Variants in CSGALNACT1 observed in about 807,000 individuals in gnomAD.
The protein encoded by CSGALNACT1 is chondroitin sulfate N-acetylgalactosaminyltransferase 1.
CSGALNACT1 carries 52 observed loss-of-function variants against 51.0 expected under a neutral mutation model. The observed-to-expected ratio is 1.02, with a 90% CI of 0.82 to 1.29. CSGALNACT1 has a LOEUF of 1.29. CSGALNACT1 is among the 50% of genes most tolerant of loss of function. The probability of loss-of-function intolerance (pLI) is 0.00; values close to 1 mark genes in which losing one functional copy is unlikely to be tolerated. For missense variants in CSGALNACT1, 935 were observed against 679.2 expected, an observed-to-expected ratio of 1.38 and a Z score of -4.19; for synonymous variants, 341 against 254.4, an observed-to-expected ratio of 1.34 and a Z score of -3.24.
intron 4 of CSGALNACT1, among the ~76,000 whole-genome samples, chr8:19,501,635 G>C (rs896728866): frequency 6.6e-6 from 1 of 152,118 alleles, no homozygotes; most frequent in Non-Finnish European, 1.5e-5. Context: ...CTCACATAGG[G>C]GTCACATTAT....
chr8:19,498,071 C>T (rs1174169993), intron 4 of CSGALNACT1, among the ~76,000 whole-genome samples: 1 of 152,182 alleles, frequency 6.6e-6, no homozygotes, highest in Admixed American at 6.5e-5. Flanking sequence ...GTCATCAGAA[C>T]CTCCTCAGGC....
In CSGALNACT1 at chr8:19,600,719, A is replaced by C. The variant is rs2050223349; in HGVS notation, c.-416+1052T>G. ...AGTAACTGAAATACAGTTCTTTATG[A>C]AACTCCACACACCCTCATTTAAGTA... On this transcript the variant is annotated intron_variant, in intron 2 of 9. Transcript: ENST00000454498. 2.0e-5 allele frequency among the ~76,000 whole-genome samples: 3 copies of C among 152,058 alleles called. No homozygotes were observed. The South Asian group carries it at 6.2e-4, about 32-fold the overall frequency.
At chr8:19,523,866 C>T (rs1227571698) in intron 3 of CSGALNACT1, among the ~76,000 whole-genome samples, 3 of 152,020 alleles carry the variant, frequency 2.0e-5, no homozygotes, top group Non-Finnish European at 4.4e-5. Flanking sequence ...AAAACAATGC[C>T]GTAGTTCAGA....
intron 1 of CSGALNACT1, among the ~76,000 whole-genome samples, chr8:19,732,172 G>T (rs139961712): frequency 6.6e-6 from 1 of 152,144 alleles, no homozygotes; most frequent in Admixed American, 6.6e-5. Context: ...AAAACGGCAC[G>T]TTATCAAATA....
At position 19,457,852 on chromosome 8, in the gene CSGALNACT1, G is replaced by A. The variant is rs367954649; in HGVS notation, c.851+574C>T. Reference sequence around the variant, plus strand: ...AAACCCAGCTTAGTCTCATTGAGTAGCTACAAAAATGTGGGCTTGAAACCT... The same window carrying A: ...AAACCCAGCTTAGTCTCATTGAGTAACTACAAAAATGTGGGCTTGAAACCT... On this transcript the variant is annotated intron_variant, in intron 5 of 9. Coordinates refer to ENST00000454498, the Ensembl canonical transcript of CSGALNACT1. The A allele has an allele frequency of 3.1e-5, 41 of 1,324,800 alleles. No homozygotes were observed. The African/African-American group carries it at 5.7e-4, about 18-fold the overall frequency. The allele number at this position is 1,324,800 out of a possible 1,614,324, so 82.1% of individuals were successfully genotyped here. A position where few individuals can be genotyped will look rare whatever the true frequency, so the allele number is the denominator to read the frequency against.
intron 8 of CSGALNACT1, among the ~76,000 whole-genome samples, chr8:19,415,566 G>A (rs1377250219): frequency 6.6e-6 from 1 of 152,124 alleles, no homozygotes; most frequent in East Asian, 1.9e-4. Context: ...TGAGAAACTT[G>A]CCTAACTGCA....
intron 1 of CSGALNACT1, among the ~76,000 whole-genome samples, chr8:19,688,390 C>T (rs1279132626): frequency 6.6e-6 from 1 of 152,120 alleles, no homozygotes; most frequent in Non-Finnish European, 1.5e-5. Context: ...AAATGGTAGA[C>T]AAGTGGCCAC....
chr8:19,407,408 G>A, intron 9 of CSGALNACT1, among the ~76,000 whole-genome samples: 1 of 152,126 alleles, frequency 6.6e-6, no homozygotes, highest in Admixed American at 6.5e-5. Flanking sequence ...CACACCCTGA[G>A]GGCACGGTCC....
intron 1 of CSGALNACT1, among the ~76,000 whole-genome samples, chr8:19,648,723 G>A (rs2057502971): frequency 6.6e-6 from 1 of 152,178 alleles, no homozygotes; most frequent in East Asian, 1.9e-4. Context: ...AGGATCACCT[G>A]AGCCTGGAGC....
At chr8:19,630,238 G>GTGTA (rs1554771910) in intron 1 of CSGALNACT1, among the ~76,000 whole-genome samples, 9 of 128,234 alleles carry the variant, frequency 7.0e-5, no homozygotes, top group African/African-American at 2.7e-4. Context: ...GTGTGTGTGT[G>GTGTA]TGTGTATGTG....
chr8:19,603,047 T>TACAC (rs5889877), upstream of CSGALNACT1, among the ~76,000 whole-genome samples: 785 of 123,080 alleles, frequency 6.4e-3, 6 homozygotes, highest in African/African-American at 0.017. Context: ...ACTGTGTGTA[T>TACAC]ACACACACAC....
intron 3 of CSGALNACT1, among the ~76,000 whole-genome samples, chr8:19,512,626 T>C (rs1435192892): frequency 2.0e-5 from 3 of 152,166 alleles, no homozygotes; most frequent in African/African-American, 7.2e-5. Flanking sequence ...AATACATTAC[T>C]ATAATCAGTT....
At chr8:19,643,427 G>A (rs144604177) in intron 1 of CSGALNACT1, among the ~76,000 whole-genome samples, 10 of 152,134 alleles carry the variant, frequency 6.6e-5, no homozygotes, top group Non-Finnish European at 1.3e-4. Flanking sequence ...ACTTGAGGTC[G>A]GGAGTCCAAG....
At chr8:19,673,709 T>C (rs1042214657) in intron 1 of CSGALNACT1, among the ~76,000 whole-genome samples, 4 of 150,170 alleles carry the variant, frequency 2.7e-5, no homozygotes, top group African/African-American at 1.0e-4. Flanking sequence ...GGTGGGTGTG[T>C]GGATGTCAAC....
chr8:19,422,375 T>C (rs2058086258), intron 6 of CSGALNACT1, among the ~76,000 whole-genome samples: 1 of 152,078 alleles, frequency 6.6e-6, no homozygotes, highest in Non-Finnish European at 1.5e-5. Context: ...AAAAATTTTT[T>C]ATAGAGACAG....
chr8:19,546,220 G>T (rs532599407), intron 3 of CSGALNACT1, among the ~76,000 whole-genome samples: 3 of 152,100 alleles, frequency 2.0e-5, no homozygotes, highest in Non-Finnish European at 4.4e-5. Context: ...ATATTTATCT[G>T]TCAAGTATAT....
intron 1 of CSGALNACT1, among the ~76,000 whole-genome samples, chr8:19,753,257 CAG>C (rs770495301): frequency 6.6e-6 from 1 of 152,080 alleles, no homozygotes; most frequent in Non-Finnish European, 1.5e-5. Flanking sequence ...TTAGCTTAAT[CAG>C]AGGGAAATGA....
At chr8:19,457,575 T>G (rs2064380199) in intron 5 of CSGALNACT1, 2 of 872,132 alleles carry the variant, frequency 2.3e-6, no homozygotes, top group East Asian at 6.2e-5. Context: ...TTCGTGCCAC[T>G]GCACTCCAGC....
At chr8:19,694,010 C>T (rs916681825) in intron 1 of CSGALNACT1, among the ~76,000 whole-genome samples, 3 of 151,992 alleles carry the variant, frequency 2.0e-5, no homozygotes, top group Non-Finnish European at 4.4e-5. Context: ...CAGGTTCATC[C>T]ATATCATCAA....
Sources: allele counts gnomAD v4.1 joint callset (sites outside exome capture counted in the v4.1 genomes callset), GRCh38; gene constraint gnomAD v4.1.1; transcripts MANE v1.5; gene names NCBI Gene and HGNC (gene_info 2026-07-23, HGNC 2026-07-21).